Variants in SH3D19 observed in about 807,000 individuals in gnomAD.
SH3D19 encodes SH3 domain containing 19, also known as SH3 domain-containing protein 19.
SH3D19 carries 58 observed loss-of-function variants against 112.1 expected under a neutral mutation model. The observed-to-expected ratio is 0.52, with a 90% confidence interval of 0.42 to 0.64. The LOEUF (loss-of-function observed/expected upper bound fraction) is 0.64. Ranked by LOEUF, SH3D19 falls within the 30% of genes least tolerant of loss-of-function variation. The probability of loss-of-function intolerance (pLI) is 0.00; values close to 1 mark genes in which losing one functional copy is unlikely to be tolerated. For synonymous variants in SH3D19, 391 were observed against 448.5 expected (o/e 0.87, Z 1.62); for missense variants, 1,090 against 1,263.4 (o/e 0.86, Z 2.08).
intron 1 of SH3D19, 49 bp from the exon 2 acceptor site, chr4:151,226,135 T>C: frequency 8.1e-7 from 1 of 1,229,866 alleles, no homozygotes; most frequent in Non-Finnish European, 1.0e-6. Context: ...TTAAAAGCTC[T>C]GGAAAGAAGT....
intron 1 of SH3D19, among the ~76,000 whole-genome samples, chr4:151,234,903 C>G (rs1769919239): frequency 6.6e-6 from 1 of 151,454 alleles, no homozygotes; most frequent in African/African-American, 2.4e-5. Flanking sequence ...GCCATCACAC[C>G]CGGGTAATTA....
chr4:151,257,739 C>G (rs1286568622), intron 1 of SH3D19, among the ~76,000 whole-genome samples: 1 of 151,860 alleles, frequency 6.6e-6, no homozygotes, highest in Non-Finnish European at 1.5e-5. Flanking sequence ...CAACATATCA[C>G]GACCCTATCT....
At chr4:151,312,186 T>C (rs959462524) in intron 1 of SH3D19, among the ~76,000 whole-genome samples, 65 of 152,166 alleles carry the variant, frequency 4.3e-4, no homozygotes, top group African/African-American at 1.5e-3. Flanking sequence ...GAATTATACC[T>C]CCACAAAGCT....
At chr4:151,223,410 A>T (rs1255727898) in intron 2 of SH3D19, among the ~76,000 whole-genome samples, 1 of 152,048 alleles carries the variant, frequency 6.6e-6, no homozygotes, top group African/African-American at 2.4e-5. Flanking sequence ...GCCAGTGAAA[A>T]TCCCTTGATG....
intron 1 of SH3D19, among the ~76,000 whole-genome samples, chr4:151,274,780 C>A (rs957226579): frequency 6.6e-6 from 1 of 152,170 alleles, no homozygotes; most frequent in African/African-American, 2.4e-5. Flanking sequence ...ACTAGACGAA[C>A]TTAACCAACA....
chr4:151,311,503 G>A (rs1339509309), intron 1 of SH3D19, among the ~76,000 whole-genome samples: 1 of 152,092 alleles, frequency 6.6e-6, no homozygotes, highest in Non-Finnish European at 1.5e-5. Flanking sequence ...AATACTGTGT[G>A]ATCTCACTTG....
intron 19 of SH3D19, among the ~76,000 whole-genome samples, chr4:151,126,780 A>G (rs2149724042): frequency 6.9e-6 from 1 of 145,864 alleles, no homozygotes; most frequent in Admixed American, 6.9e-5. Context: ...CCTGGGTGAC[A>G]GAGCGAGACT....
Position 151,121,063 on chromosome 4 carries a change from CA to C in SH3D19, c.*1027del, listed in dbSNP as rs1747916685. On this transcript the variant is annotated 3_prime_UTR_variant, in exon 20 of 20. Transcript: ENST00000604030. ...GGGATAAGCTAGAGAAAAAATAAAA[CA>C]AAAAAGTACCAGTCTTCTGTCCTCT... 1 of 152,436 alleles carries C rather than the reference CA, an allele frequency of 6.6e-6. No individual in the cohort carries two copies. The highest frequency in any genetic ancestry group is 1.5e-5 in the Non-Finnish European group (1 of 68,000). 9.4% of individuals were successfully genotyped at this position (152,436 alleles called of 1,614,324 possible). A position where few individuals can be genotyped will look rare whatever the true frequency, so the allele number is the denominator to read the frequency against.
At chr4:151,144,741 C>T (rs1165376863) in intron 11 of SH3D19, among the ~76,000 whole-genome samples, 2 of 152,174 alleles carry the variant, frequency 1.3e-5, no homozygotes, top group Non-Finnish European at 2.9e-5. Context: ...CTCCTAGAGT[C>T]TCTCTGATAC....
intron 1 of SH3D19, among the ~76,000 whole-genome samples, chr4:151,315,777 C>T (rs914440043): frequency 1.3e-5 from 2 of 151,978 alleles, no homozygotes; most frequent in African/African-American, 4.8e-5. Flanking sequence ...CACAGCAAGA[C>T]CCCATTTCTA....
intron 1 of SH3D19, among the ~76,000 whole-genome samples, chr4:151,300,898 T>C (rs1728346404): frequency 6.6e-6 from 1 of 152,178 alleles, no homozygotes; most frequent in Non-Finnish European, 1.5e-5. Context: ...ATAGATTTAA[T>C]AGAATCTGGT....
intron 2 of SH3D19, among the ~76,000 whole-genome samples, chr4:151,198,338 T>A (rs1012750984): frequency 7.1e-6 from 1 of 141,720 alleles, no homozygotes; most frequent in African/African-American, 2.5e-5. Context: ...AATATAAAAA[T>A]ATATATTATA....
intron 1 of SH3D19, among the ~76,000 whole-genome samples, chr4:151,317,669 A>C (rs1158037825): frequency 1.3e-5 from 2 of 152,196 alleles, no homozygotes; most frequent in African/African-American, 4.8e-5. Context: ...CTTTCAGTGG[A>C]CAATAAAGAA....
At chr4:151,251,414 G>C (rs1342205872) in intron 1 of SH3D19, among the ~76,000 whole-genome samples, 1 of 151,902 alleles carries the variant, frequency 6.6e-6, no homozygotes. Flanking sequence ...TGGTCAGGCT[G>C]GTCTCGAACT....
chr4:151,141,425 C>T (rs2149761343), intron 12 of SH3D19, among the ~76,000 whole-genome samples: 1 of 152,294 alleles, frequency 6.6e-6, no homozygotes, highest in South Asian at 2.1e-4. Context: ...CGTGCCCAGC[C>T]TGGAGTGGCT....
intron 17 of SH3D19, among the ~76,000 whole-genome samples, chr4:151,128,804 T>A (rs1749977976): frequency 6.6e-6 from 1 of 151,932 alleles, no homozygotes; most frequent in Admixed American, 6.6e-5. Flanking sequence ...CACACTCGGC[T>A]ATTTAATTTT....
At chr4:151,297,943 A>G (rs1475796642) in intron 1 of SH3D19, among the ~76,000 whole-genome samples, 1 of 152,208 alleles carries the variant, frequency 6.6e-6, no homozygotes, top group Non-Finnish European at 1.5e-5. Flanking sequence ...GAGAGTATGC[A>G]GAAGACAGAA....
intron 9 of SH3D19, among the ~76,000 whole-genome samples, chr4:151,155,702 A>G (rs1265386771): frequency 6.6e-6 from 1 of 152,174 alleles, no homozygotes; most frequent in Non-Finnish European, 1.5e-5. Flanking sequence ...CCTGGCCAAC[A>G]TGATAAAACC....
At chr4:151,139,890 ATGG>A (rs749957866) in intron 12 of SH3D19, 43 bp from the exon 13 acceptor site, 103 of 1,590,786 alleles carry the variant, frequency 6.5e-5, no homozygotes, top group Non-Finnish European at 8.4e-5. Flanking sequence ...TGCAGGATAG[ATGG>A]TGGATTTATT....
Sources: allele counts gnomAD v4.1 joint callset (sites outside exome capture counted in the v4.1 genomes callset), GRCh38; gene constraint gnomAD v4.1.1; transcripts MANE v1.5; gene names NCBI Gene and HGNC (gene_info 2026-07-23, HGNC 2026-07-21).